SCFD1: variants seen among roughly 807,000 people sequenced by gnomAD.
SCFD1 encodes sec1 family domain-containing protein 1.
In SCFD1, 37 loss-of-function variants were observed where a neutral mutation model predicts 103.2. The ratio of observed to expected loss-of-function variants is 0.36; its 90% confidence interval spans 0.28 to 0.47. The LOEUF is 0.47. Ranked by LOEUF, SCFD1 falls within the 20% of genes least tolerant of loss-of-function variation. The probability of loss-of-function intolerance (pLI) is 1.00; values close to 1 mark genes in which losing one functional copy is unlikely to be tolerated. For missense variants in SCFD1, 639 were observed against 761.2 expected (o/e 0.84, Z 1.89); for synonymous variants, 264 against 245.0 (o/e 1.08, Z -0.73).
intron 14 of SCFD1, among the ~76,000 whole-genome samples, chr14:30,675,923 T>G (rs930065897): frequency 3.3e-5 from 5 of 152,222 alleles, no homozygotes; most frequent in Non-Finnish European, 7.3e-5. Flanking sequence ...ATAATTACTA[T>G]TACGCCAACA....
intron 1 of SCFD1, among the ~76,000 whole-genome samples, chr14:30,624,101 C>CTT (rs1020631968): frequency 6.6e-6 from 1 of 152,132 alleles, no homozygotes; most frequent in Non-Finnish European, 1.5e-5. Context: ...CCTGAAAAAT[C>CTT]TTTATTGGTC....
intron 17 of SCFD1, among the ~76,000 whole-genome samples, chr14:30,702,823 C>G (rs1594732528): frequency 6.6e-6 from 1 of 152,066 alleles, no homozygotes; most frequent in Non-Finnish European, 1.5e-5. Context: ...ATAAAGAGTT[C>G]TTTAAAAATA....
At chr14:30,662,944 GATTAGACTCTATC>G (rs1157280657) in intron 10 of SCFD1, among the ~76,000 whole-genome samples, 2 of 152,184 alleles carry the variant, frequency 1.3e-5, no homozygotes, top group Non-Finnish European at 2.9e-5. Context: ...AATGGAAACA[GATTAGACTCTATC>G]ATGTTAAAAC....
intron 11 of SCFD1, among the ~76,000 whole-genome samples, chr14:30,672,286 T>C (rs1888623206): frequency 6.6e-6 from 1 of 152,104 alleles, no homozygotes; most frequent in Admixed American, 6.5e-5. Context: ...CTCAGTGCTA[T>C]TTTTTGCCAA....
At chr14:30,719,987 G>A (rs1473357680) in intron 21 of SCFD1, among the ~76,000 whole-genome samples, 2 of 151,832 alleles carry the variant, frequency 1.3e-5, no homozygotes, top group East Asian at 1.9e-4. Flanking sequence ...GGGAATAACT[G>A]CCTTGGACTG....
intron 20 of SCFD1, among the ~76,000 whole-genome samples, chr14:30,717,926 C>G (rs1892397295): frequency 1.3e-5 from 2 of 151,274 alleles, no homozygotes; most frequent in African/African-American, 4.8e-5. Flanking sequence ...CACCTATTAT[C>G]TCACTTAATC....
intron 7 of SCFD1, among the ~76,000 whole-genome samples, chr14:30,649,319 G>A (rs1886175808): frequency 6.6e-6 from 1 of 152,046 alleles, no homozygotes; most frequent in Admixed American, 6.5e-5. Context: ...TGCAATATAT[G>A]CATGTAAGAA....
chr14:30,680,289 GT>G (rs1418113989), intron 14 of SCFD1, among the ~76,000 whole-genome samples: 2 of 152,160 alleles, frequency 1.3e-5, no homozygotes, highest in Non-Finnish European at 2.9e-5. Context: ...GTTAGCCAGG[GT>G]TCCCCAGAGA....
At chr14:30,732,843 T>G (rs1411507624) in intron 23 of SCFD1, among the ~76,000 whole-genome samples, 1 of 152,186 alleles carries the variant, frequency 6.6e-6, no homozygotes, top group Non-Finnish European at 1.5e-5. Flanking sequence ...ATTTGACTGA[T>G]TTTATCAAAA....
At chr14:30,647,774 C>A (rs1202569903) in intron 7 of SCFD1, among the ~76,000 whole-genome samples, 2 of 152,090 alleles carry the variant, frequency 1.3e-5, no homozygotes, top group East Asian at 3.9e-4. Flanking sequence ...CCTCAGCCTC[C>A]TGAGTAGCTG....
chr14:30,729,626 T>TGTGA (rs1418247757), intron 23 of SCFD1, among the ~76,000 whole-genome samples: 3 of 152,348 alleles, frequency 2.0e-5, no homozygotes, highest in Middle Eastern at 3.4e-3. Flanking sequence ...TCAGGACACA[T>TGTGA]GTGAGTCCTA....
At chr14:30,641,485 T>C (rs1318381647) in intron 6 of SCFD1, among the ~76,000 whole-genome samples, 1 of 152,202 alleles carries the variant, frequency 6.6e-6, no homozygotes, top group African/African-American at 2.4e-5. Flanking sequence ...TGTAGATTTT[T>C]CTAGTGCCAG....
intron 23 of SCFD1, among the ~76,000 whole-genome samples, chr14:30,724,441 C>G (rs1478867105): frequency 1.3e-5 from 2 of 151,608 alleles, no homozygotes; most frequent in African/African-American, 4.8e-5. Flanking sequence ...TTAGTAGACA[C>G]GGAGTTACAC....
chr14:30,699,039 C>T (rs77172990), intron 15 of SCFD1, among the ~76,000 whole-genome samples: 5,249 of 152,190 alleles, frequency 0.034, 121 homozygotes, highest in Middle Eastern at 0.061. Context: ...GGAACATTAG[C>T]CTGTACTGAA....
intron 14 of SCFD1, among the ~76,000 whole-genome samples, chr14:30,690,801 G>A (rs946227275): frequency 5.3e-5 from 8 of 152,116 alleles, no homozygotes; most frequent in Non-Finnish European, 1.0e-4. Flanking sequence ...GCTGTAGACC[G>A]GAGCTGTTCC....
chr14:30,638,299 T>G (rs1884932434), intron 5 of SCFD1, 52 bp downstream of exon 5: 2 of 1,609,864 alleles, frequency 1.2e-6, no homozygotes, highest in Non-Finnish European at 8.5e-7. Context: ...AATTTAACAC[T>G]GTTCTGAAAC....
At chr14:30,623,029 T>G (rs1334814157) in intron 1 of SCFD1, among the ~76,000 whole-genome samples, 1 of 152,232 alleles carries the variant, frequency 6.6e-6, no homozygotes, top group African/African-American at 2.4e-5. Context: ...ATAGCTTCTA[T>G]TTATGCAGAG....
Position 30,623,604 on chromosome 14 carries a change from A to G in SCFD1, c.61+1205A>G, listed in dbSNP as rs1264041600. 2.6e-5 allele frequency among the ~76,000 whole-genome samples: 4 copies of G among 152,364 alleles called. No individual in the cohort carries two copies. The East Asian group carries it at 7.7e-4, about 29-fold the overall frequency. Reference sequence around the variant, plus strand: ...ACTGTGTTTCTGATGACTATACTACATATTAAAATAACGTGTCAGTAAAAC... The same window carrying G: ...ACTGTGTTTCTGATGACTATACTACGTATTAAAATAACGTGTCAGTAAAAC... On this transcript the variant is annotated intron_variant, in intron 1 of 24. Transcript: ENST00000458591.
intron 13 of SCFD1, among the ~76,000 whole-genome samples, chr14:30,674,271 A>G (rs953152224): frequency 6.6e-6 from 1 of 152,150 alleles, no homozygotes; most frequent in Non-Finnish European, 1.5e-5. Context: ...AAGTAGGGCA[A>G]GCGATTATTA....
Sources: allele counts gnomAD v4.1 joint callset (sites outside exome capture counted in the v4.1 genomes callset), GRCh38; gene constraint gnomAD v4.1.1; transcripts MANE v1.5; gene names NCBI Gene and HGNC (gene_info 2026-07-23, HGNC 2026-07-21).